Variants in KALRN observed in about 807,000 individuals in gnomAD.
The protein encoded by KALRN is kalirin RhoGEF kinase.
KALRN carries 70 observed loss-of-function variants against 353.7 expected under a neutral mutation model. The ratio of observed to expected loss-of-function variants is 0.20; its 90% CI spans 0.16 to 0.24. The LOEUF (loss-of-function observed/expected upper bound fraction) is 0.24. KALRN is among the 10% of genes least tolerant of loss of function. The pLI is 1.00. For synonymous variants in KALRN, 1,391 were observed against 1,434.8 expected (o/e 0.97, Z 0.69); for missense variants, 2,791 against 3,756.7 (o/e 0.74, Z 6.72).
At chr3:124,385,492 T>C (rs1465779081) in intron 11 of KALRN, among the ~76,000 whole-genome samples, 1 of 152,210 alleles carries the variant, frequency 6.6e-6, no homozygotes, top group Non-Finnish European at 1.5e-5. Flanking sequence ...ATGTGTTTTT[T>C]CTGTGTTTTT....
intron 1 of KALRN, among the ~76,000 whole-genome samples, chr3:124,036,884 T>C (rs1577433508): frequency 1.3e-5 from 2 of 152,242 alleles, no homozygotes; most frequent in East Asian, 1.9e-4. Context: ...CCTTGACCAA[T>C]TGGTTAAGCT....
intron 32 of KALRN, among the ~76,000 whole-genome samples, chr3:124,494,606 C>A (rs1015356832): frequency 1.3e-5 from 2 of 152,232 alleles, no homozygotes; most frequent in South Asian, 4.1e-4. Flanking sequence ...AATAAATTGG[C>A]ATTTCCCAAG....
chr3:124,097,168 T>C (rs577230516), intron 1 of KALRN, among the ~76,000 whole-genome samples: 3 of 152,274 alleles, frequency 2.0e-5, no homozygotes, highest in East Asian at 1.9e-4. Flanking sequence ...TTATAGCAAC[T>C]TTCCTCTTGT....
At chr3:124,381,889 G>A (rs1305783861) in intron 10 of KALRN, among the ~76,000 whole-genome samples, 1 of 152,188 alleles carries the variant, frequency 6.6e-6, no homozygotes, top group African/African-American at 2.4e-5. Flanking sequence ...TGGCTGTGGG[G>A]TGGGCTAAAT....
chr3:124,584,663 C>A, intron 34 of KALRN: 1 of 1,414,786 alleles, frequency 7.1e-7, no homozygotes. Context: ...GTGGCAGTGG[C>A]TCCCAGTAAG....
In KALRN at chr3:124,434,685, A is replaced by G. The variant is rs971396848; in HGVS notation, c.3048+160A>G. Among the ~76,000 whole-genome samples the G allele has an allele frequency of 3.3e-5, 5 of 152,226 alleles. No homozygotes were observed. In the South Asian group the frequency reaches 6.2e-4, roughly 19 times the overall value. ...TGGAAACACCACAGTTGACTTTCTT[A>G]TCATCCTTTCCATTTGAGCACTGGA... On this transcript the variant is annotated intron_variant, in intron 17 of 59. Coordinates refer to ENST00000682506, the MANE Select transcript of KALRN (RefSeq NM_001388419.1).
chr3:124,038,960 A>G (rs1289173466), intron 1 of KALRN, among the ~76,000 whole-genome samples: 1 of 152,234 alleles, frequency 6.6e-6, no homozygotes, highest in Non-Finnish European at 1.5e-5. Context: ...GCCAGGCCCC[A>G]TATGCCCCCA....
intron 37 of KALRN, among the ~76,000 whole-genome samples, chr3:124,638,693 C>T (rs535138275): frequency 6.6e-6 from 1 of 152,288 alleles, no homozygotes; most frequent in South Asian, 2.1e-4. Flanking sequence ...CCTTCACACC[C>T]AATTGGTCTT....
At chr3:124,329,613 C>A (rs1284735951) in intron 7 of KALRN, among the ~76,000 whole-genome samples, 1 of 152,182 alleles carries the variant, frequency 6.6e-6, no homozygotes, top group Non-Finnish European at 1.5e-5. Flanking sequence ...TGATGATTCA[C>A]CTGCCACCTA....
intron 33 of KALRN, among the ~76,000 whole-genome samples, chr3:124,550,862 G>A (rs373191286): frequency 1.3e-5 from 2 of 152,066 alleles, no homozygotes; most frequent in Admixed American, 6.6e-5. Context: ...GGTGGTGGGC[G>A]CCTGTAGTCC....
chr3:124,608,802 A>G (rs766755081), intron 34 of KALRN, among the ~76,000 whole-genome samples: 2 of 152,238 alleles, frequency 1.3e-5, no homozygotes, highest in Non-Finnish European at 2.9e-5. Flanking sequence ...TCCACTTGAC[A>G]GATTAGTACA....
intron 5 of KALRN, 53 bp downstream of exon 5, chr3:124,269,308 G>A (rs2073901023): frequency 1.3e-6 from 2 of 1,510,136 alleles, no homozygotes; most frequent in South Asian, 2.6e-5. Flanking sequence ...GGGAGCAGAG[G>A]TTGCTCATCC....
intron 6 of KALRN, among the ~76,000 whole-genome samples, chr3:124,311,460 A>G (rs76205315): frequency 3.2e-5 from 3 of 92,582 alleles, no homozygotes; most frequent in Admixed American, 1.1e-4. Context: ...GCAAGACTCC[A>G]AAAAAAAAAA....
chr3:124,197,614 T>C (rs1579263387), intron 1 of KALRN, among the ~76,000 whole-genome samples: 3 of 152,168 alleles, frequency 2.0e-5, no homozygotes, highest in African/African-American at 7.2e-5. Context: ...GTGTCTCTTG[T>C]GGACATCTTG....
rs149954860 is a variant in KALRN at position 124,590,532 on chromosome 3, C to A, written c.5182+27443C>A. ...GCCCATACAACACTGGGCATACCTT[C>A]TGGAGTAGTGTTGCTGATATTCTAT... is the stretch of plus-strand genomic sequence containing the variant. On this transcript the variant is annotated intron_variant, in intron 34 of 59. Coordinates refer to ENST00000682506, the MANE Select transcript of KALRN (RefSeq NM_001388419.1). Among the ~76,000 whole-genome samples, 51 of 152,290 alleles carry A rather than the reference C, an allele frequency of 3.3e-4. 2 individuals carry two copies. In the East Asian group the frequency reaches 9.5e-3, roughly 28 times the overall value.
chr3:124,559,007 T>C (rs1340973500), intron 33 of KALRN, among the ~76,000 whole-genome samples: 1 of 152,236 alleles, frequency 6.6e-6, no homozygotes, highest in African/African-American at 2.4e-5. Context: ...GTTCAGTTAA[T>C]CCCCAAATAT....
At chr3:124,124,018 T>C (rs1407352142) in intron 1 of KALRN, among the ~76,000 whole-genome samples, 3 of 152,230 alleles carry the variant, frequency 2.0e-5, no homozygotes, top group Non-Finnish European at 4.4e-5. Context: ...AGTTTATGGA[T>C]CAAGGACTGA....
intron 1 of KALRN, among the ~76,000 whole-genome samples, chr3:124,153,325 T>A (rs1236517857): frequency 1.4e-5 from 2 of 143,534 alleles, no homozygotes. Context: ...TGTCCATGTG[T>A]TCTCATTGTT....
At chr3:124,228,107 G>GT in intron 2 of KALRN, 43 bp downstream of exon 2, 1 of 1,465,600 alleles carries the variant, frequency 6.8e-7, no homozygotes, top group Non-Finnish European at 9.6e-7. Flanking sequence ...ACCTAGAGAA[G>GT]TTGTGTGTGT....
Sources: gnomAD v4.1 joint callset for allele counts (sites outside exome capture counted in the v4.1 genomes callset) on GRCh38, gnomAD v4.1.1 for gene constraint, MANE v1.5 for transcripts, NCBI Gene and HGNC (gene_info 2026-07-23, HGNC 2026-07-21) for gene names.